The following ADGRB3 variants were observed in gnomAD, a reference collection of about 807,000 sequenced individuals.
ADGRB3 encodes the protein brain-specific angiogenesis inhibitor 3.
Under a neutral mutation model 193.4 loss-of-function variants are expected in ADGRB3, and 37 were observed. The observed-to-expected ratio is 0.19, with a 90% CI of 0.15 to 0.25. The LOEUF (loss-of-function observed/expected upper bound fraction) is 0.25. ADGRB3 is among the 10% of genes least tolerant of loss of function. ADGRB3 has a pLI of 1.00. For synonymous variants in ADGRB3, 690 were observed against 644.2 expected, an observed-to-expected ratio of 1.07 and a Z score of -1.08; for missense variants, 1,637 against 1,852.9, an observed-to-expected ratio of 0.88 and a Z score of 2.14.
At chr6:69,010,560 A>G (rs1769901424) in intron 11 of ADGRB3, among the ~76,000 whole-genome samples, 1 of 152,088 alleles carries the variant, frequency 6.6e-6, no homozygotes, top group Non-Finnish European at 1.5e-5. Flanking sequence ...TCCAAGCTTC[A>G]CGATAGCTCT....
intron 3 of ADGRB3, among the ~76,000 whole-genome samples, chr6:68,833,794 A>G (rs1767998523): frequency 6.6e-6 from 1 of 152,010 alleles, no homozygotes; most frequent in South Asian, 2.1e-4. Context: ...TACAGGCAAA[A>G]CATTCATAAT....
At chr6:68,851,410 A>G (rs1033773583) in intron 3 of ADGRB3, among the ~76,000 whole-genome samples, 1 of 151,874 alleles carries the variant, frequency 6.6e-6, no homozygotes, top group Non-Finnish European at 1.5e-5. Context: ...AAATTCTAAT[A>G]CTATGAAGAT....
At chr6:68,695,018 A>G (rs1765134521) in intron 3 of ADGRB3, among the ~76,000 whole-genome samples, 1 of 152,074 alleles carries the variant, frequency 6.6e-6, no homozygotes, top group Non-Finnish European at 1.5e-5. Context: ...AGTGATATCT[A>G]ATAAAACTTG....
intron 3 of ADGRB3, among the ~76,000 whole-genome samples, chr6:68,772,517 G>A (rs1209271796): frequency 6.6e-6 from 1 of 151,840 alleles, no homozygotes; most frequent in Non-Finnish European, 1.5e-5. Context: ...AAGCATCTGA[G>A]ACTTATGCCT....
intron 17 of ADGRB3, among the ~76,000 whole-genome samples, chr6:69,111,488 A>C (rs1288091477): frequency 6.6e-6 from 1 of 152,228 alleles, no homozygotes; most frequent in Non-Finnish European, 1.5e-5. Flanking sequence ...TTAGGGAACA[A>C]GCATTTAGAT....
intron 13 of ADGRB3, among the ~76,000 whole-genome samples, chr6:69,018,757 A>T (rs1302826947): frequency 6.6e-6 from 1 of 151,920 alleles, no homozygotes; most frequent in East Asian, 1.9e-4. Context: ...CTTTACATGT[A>T]TATGTAGGAT....
chr6:68,983,667 C>T (rs1186722250), intron 10 of ADGRB3, among the ~76,000 whole-genome samples: 2 of 151,774 alleles, frequency 1.3e-5, no homozygotes, highest in South Asian at 2.1e-4. Context: ...AAGTAGAGCT[C>T]AAGGACCTGG....
At chr6:69,212,550 T>C (rs1470015024) in intron 17 of ADGRB3, among the ~76,000 whole-genome samples, 1 of 152,124 alleles carries the variant, frequency 6.6e-6, no homozygotes, top group Non-Finnish European at 1.5e-5. Flanking sequence ...GGATCCCCAG[T>C]AGAAACTGAA....
At chr6:69,262,628 G>A (rs181517959) in intron 20 of ADGRB3, among the ~76,000 whole-genome samples, 4 of 151,732 alleles carry the variant, frequency 2.6e-5, no homozygotes, top group African/African-American at 9.7e-5. Context: ...TTTGTCTCTG[G>A]TTTTACTTTC....
intron 8 of ADGRB3, among the ~76,000 whole-genome samples, chr6:68,963,841 G>T: frequency 6.6e-6 from 1 of 151,948 alleles, no homozygotes; most frequent in East Asian, 1.9e-4. Context: ...TTATTATATA[G>T]TATTATTATT....
chr6:68,737,578 A>C (rs1245778605), intron 3 of ADGRB3, among the ~76,000 whole-genome samples: 1 of 152,164 alleles, frequency 6.6e-6, no homozygotes, highest in Non-Finnish European at 1.5e-5. Context: ...AGCACTAAAT[A>C]GACAACAAGA....
chr6:69,187,113 A>G (rs892378427), intron 17 of ADGRB3, among the ~76,000 whole-genome samples: 1 of 151,910 alleles, frequency 6.6e-6, no homozygotes, highest in Non-Finnish European at 1.5e-5. Flanking sequence ...AACAATGCTC[A>G]CTTTATTATA....
chr6:68,781,343 A>C (rs1766848675), intron 3 of ADGRB3, among the ~76,000 whole-genome samples: 1 of 152,154 alleles, frequency 6.6e-6, no homozygotes, highest in Non-Finnish European at 1.5e-5. Context: ...ATCTTTTAGC[A>C]CATTGCTACT....
intron 3 of ADGRB3, among the ~76,000 whole-genome samples, chr6:68,791,543 G>C (rs933280804): frequency 6.6e-6 from 1 of 152,220 alleles, no homozygotes; most frequent in East Asian, 1.9e-4. Flanking sequence ...GGTTATTGCA[G>C]AGACACTGCA....
At chr6:68,893,407 TTTAAAG>T (rs1372162635) in intron 3 of ADGRB3, among the ~76,000 whole-genome samples, 1 of 151,902 alleles carries the variant, frequency 6.6e-6, no homozygotes, top group East Asian at 1.9e-4. Flanking sequence ...GAGACATATC[TTTAAAG>T]TTAAATATAA....
At chr6:68,957,859 T>G (rs1279786455) in intron 8 of ADGRB3, among the ~76,000 whole-genome samples, 2 of 152,080 alleles carry the variant, frequency 1.3e-5, no homozygotes, top group African/African-American at 4.8e-5. Context: ...GAACTGGATT[T>G]TAAGAGTAAC....
intron 11 of ADGRB3, among the ~76,000 whole-genome samples, chr6:68,997,132 T>C (rs1716342931): frequency 6.6e-6 from 1 of 152,210 alleles, no homozygotes; most frequent in Non-Finnish European, 1.5e-5. Context: ...AATTGTCTAC[T>C]ATATACTAAC....
intron 8 of ADGRB3, among the ~76,000 whole-genome samples, chr6:68,964,692 C>T (rs1768328021): frequency 6.6e-6 from 1 of 152,034 alleles, no homozygotes; most frequent in South Asian, 2.1e-4. Context: ...ACTAGAGTGA[C>T]CTTGTCTGCT....
chr6:68,796,003 G>T (rs1039771679), intron 3 of ADGRB3, among the ~76,000 whole-genome samples: 1 of 151,906 alleles, frequency 6.6e-6, no homozygotes, highest in Non-Finnish European at 1.5e-5. Flanking sequence ...CTGTTTTGCT[G>T]CAAAATAAAT....
Sources: allele counts gnomAD v4.1 joint callset (sites outside exome capture counted in the v4.1 genomes callset), GRCh38; gene constraint gnomAD v4.1.1; transcripts MANE v1.5; gene names NCBI Gene and HGNC (gene_info 2026-07-23, HGNC 2026-07-21).